The following SLC5A12 variants were observed in gnomAD, a reference collection of about 807,000 sequenced individuals.
The protein encoded by SLC5A12 is solute carrier family 5 member 12.
A neutral mutation model predicts 72.7 loss-of-function variants in SLC5A12; 46 were observed. The observed-to-expected ratio is 0.63, with a 90% confidence interval of 0.50 to 0.81. The LOEUF (loss-of-function observed/expected upper bound fraction) is 0.81, where lower values mean the gene tolerates loss of function less well. Among genes scored for constraint, SLC5A12 ranks in the 30% least tolerant of loss-of-function variants. The pLI is 0.00. For missense variants in SLC5A12, 683 were observed against 740.7 expected (o/e 0.92, Z 0.90); for synonymous variants, 275 against 264.4 (o/e 1.04, Z -0.39).
At chr11:26,720,169 C>T (rs1855444922) in intron 1 of SLC5A12, among the ~76,000 whole-genome samples, 1 of 151,990 alleles carries the variant, frequency 6.6e-6, no homozygotes, top group Admixed American at 6.6e-5. Context: ...GAACTTGGTG[C>T]AATGCTTTAT....
rs991493993 is a variant in SLC5A12, at chr11:26,668,083, C to T, written c.*3019G>A. 4.6e-5 allele frequency: 7 copies of T among 151,870 alleles called. No individual in the cohort carries two copies. Among genetic ancestry groups the T allele is most frequent in the African/African-American group, 1.5e-4 (6 of 41,368 alleles). 9.4% of individuals were successfully genotyped at this position (151,870 alleles called of 1,614,324 possible). Reference sequence around the variant, plus strand: ...TTACTCCTATTAATTGGTGAATAAACTAAGATTTTAAAATATTGCCCAAAA... The same window carrying T: ...TTACTCCTATTAATTGGTGAATAAATTAAGATTTTAAAATATTGCCCAAAA... On this transcript the variant is annotated 3_prime_UTR_variant, in exon 15 of 15. Transcript: ENST00000396005.
At chr11:26,686,413 A>G in intron 10 of SLC5A12, 64 bp downstream of exon 10, 2 of 1,429,704 alleles carry the variant, frequency 1.4e-6, no homozygotes, top group Non-Finnish European at 2.0e-6. Context: ...AAGAAGCAAG[A>G]CATTAAAAGA....
chr11:26,705,321 T>C (rs930656066), intron 4 of SLC5A12, among the ~76,000 whole-genome samples: 1 of 151,888 alleles, frequency 6.6e-6, no homozygotes, highest in African/African-American at 2.4e-5. Flanking sequence ...GATGAGCAAG[T>C]GGGGAAAGAT....
chr11:26,709,419 A>C (rs751706247), intron 3 of SLC5A12, 40 bp from the exon 4 acceptor site: 1 of 1,498,328 alleles, frequency 6.7e-7, no homozygotes, highest in South Asian at 1.2e-5. Context: ...AGTTTCCTTC[A>C]AAAAATTAAA....
At chr11:26,713,476 A>G (rs1000692011) in intron 1 of SLC5A12, among the ~76,000 whole-genome samples, 6 of 152,150 alleles carry the variant, frequency 3.9e-5, no homozygotes, top group African/African-American at 1.4e-4. Flanking sequence ...AAGTAAATAC[A>G]TTCTTTCAGA....
intron 12 of SLC5A12, among the ~76,000 whole-genome samples, chr11:26,680,128 T>C (rs1235901720): frequency 6.6e-6 from 1 of 151,212 alleles, no homozygotes; most frequent in Non-Finnish European, 1.5e-5. Flanking sequence ...TGAGCCAGTA[T>C]GGGGAGATAT....
intron 6 of SLC5A12, among the ~76,000 whole-genome samples, chr11:26,700,769 C>A: frequency 6.6e-6 from 1 of 152,248 alleles, no homozygotes; most frequent in South Asian, 2.1e-4. Context: ...GTAAGTGATA[C>A]TATTTCTAGG....
At chr11:26,671,290 T>C (rs1489071436) in intron 14 of SLC5A12, 39 bp from the exon 15 acceptor site, 2 of 1,535,062 alleles carry the variant, frequency 1.3e-6, no homozygotes, top group Non-Finnish European at 1.8e-6. Context: ...CAAGATATCC[T>C]TGATGTACTC....
intron 6 of SLC5A12, among the ~76,000 whole-genome samples, chr11:26,699,703 C>A (rs1854913356): frequency 6.6e-6 from 1 of 152,148 alleles, no homozygotes; most frequent in Non-Finnish European, 1.5e-5. Flanking sequence ...CAAGCCTTTG[C>A]TCTGGCTGGC....
intron 4 of SLC5A12, chr11:26,709,054 CTT>C: frequency 3.1e-6 from 1 of 326,260 alleles, no homozygotes; most frequent in Non-Finnish European, 5.6e-6. Context: ...ATCAAGAAGA[CTT>C]TTTCATTAGA....
chr11:26,676,602 T>C (rs986747346), intron 13 of SLC5A12, among the ~76,000 whole-genome samples: 8 of 152,164 alleles, frequency 5.3e-5, no homozygotes, highest in African/African-American at 1.9e-4. Context: ...GGCCACTTGA[T>C]ACACCAACAA....
At chr11:26,721,323 T>C in intron 1 of SLC5A12, 53 bp downstream of exon 1, 2 of 1,336,168 alleles carry the variant, frequency 1.5e-6, no homozygotes, top group East Asian at 2.4e-5. Flanking sequence ...CCAGGTGCTA[T>C]CATCAAGAGG....
At chr11:26,712,560 G>T in intron 2 of SLC5A12, 81 bp downstream of exon 2, 1 of 996,954 alleles carries the variant, frequency 1.0e-6, no homozygotes, top group Non-Finnish European at 1.5e-6. Context: ...TCCTTTAGCT[G>T]AGTTTATTGC....
At position 26,671,019 on chromosome 11, in the gene SLC5A12, T is replaced by C. The variant is rs1231441983; in HGVS notation, c.*83A>G. 7.5e-7 allele frequency: 1 copy of C among 1,338,644 alleles called. No homozygotes were observed. The highest frequency in any genetic ancestry group is 1.0e-6 in the Non-Finnish European group (1 of 991,136). 82.9% of individuals were successfully genotyped at this position (1,338,644 alleles called of 1,614,324 possible). A position where few individuals can be genotyped will look rare whatever the true frequency, so the allele number is the denominator to read the frequency against. On this transcript the variant is annotated 3_prime_UTR_variant, in exon 15 of 15. Coordinates refer to ENST00000396005, the MANE Select transcript of SLC5A12 (RefSeq NM_178498.4). ...AGCAATGGCAACTATACATATCTAC[T>C]AACAAGTAGGCAAGAAGTATGTGGA...
intron 14 of SLC5A12, among the ~76,000 whole-genome samples, chr11:26,673,017 T>C (rs1854179156): frequency 1.3e-5 from 2 of 152,178 alleles, no homozygotes; most frequent in African/African-American, 2.4e-5. Flanking sequence ...ATGTAGGACA[T>C]GGAACCAGGA....
chr11:26,715,026 A>ATT (rs1855317657), intron 1 of SLC5A12, among the ~76,000 whole-genome samples: 2 of 43,218 alleles, frequency 4.6e-5, no homozygotes, highest in Non-Finnish European at 3.6e-4. Context: ...GGTAGAAAAC[A>ATT]CTGAAATGTC....
Position 26,692,528 on chromosome 11 carries a change from G to T in SLC5A12, c.1114C>A (p.Leu372Ile). The change falls in exon 9 of 15, where the codon CTC becomes ATC. Residue 372 changes from leucine to isoleucine, a missense_variant. Transcript: ENST00000396005. ...ATCCAGGTGCTCAGCTTGTCGGAGA[G>T]ATGAGGAAAACAGCTCTTGACAAAA... Reference protein sequence around the residue: ...EDFVKSCFPHLSDKLSTWISK... With the variant: ...EDFVKSCFPHISDKLSTWISK... 2 of 1,614,062 alleles carry T rather than the reference G, an allele frequency of 1.2e-6. No individual in the cohort carries two copies. Among genetic ancestry groups the T allele is most frequent in the Non-Finnish European group, 1.7e-6 (2 of 1,179,924 alleles).
intron 13 of SLC5A12, among the ~76,000 whole-genome samples, chr11:26,674,426 G>A (rs61877306): frequency 6.6e-6 from 1 of 151,644 alleles, no homozygotes; most frequent in Non-Finnish European, 1.5e-5. Flanking sequence ...ATGAGACAGA[G>A]TCTCATGCTA....
intron 2 of SLC5A12, among the ~76,000 whole-genome samples, chr11:26,712,225 T>A (rs1855246584): frequency 6.6e-6 from 1 of 152,070 alleles, no homozygotes; most frequent in African/African-American, 2.4e-5. Flanking sequence ...TAGCTGGGAA[T>A]ATTGTCTTAA....
Sources: gnomAD v4.1 joint callset for allele counts (sites outside exome capture counted in the v4.1 genomes callset) on GRCh38, gnomAD v4.1.1 for gene constraint, MANE v1.5 for transcripts, NCBI Gene and HGNC (gene_info 2026-07-23, HGNC 2026-07-21) for gene names.